AHI1: variants seen among roughly 807,000 people sequenced by gnomAD.
AHI1 encodes the protein jouberin.
A neutral mutation model predicts 149.3 loss-of-function variants in AHI1; 123 were observed. The ratio of observed to expected loss-of-function variants is 0.82; its 90% CI spans 0.71 to 0.96. The LOEUF (loss-of-function observed/expected upper bound fraction) is 0.96, where lower values mean the gene tolerates loss of function less well. Ranked by LOEUF, AHI1 falls within the 40% of genes least tolerant of loss-of-function variation. The pLI is 0.00. For synonymous variants in AHI1, 475 were observed against 459.8 expected, an observed-to-expected ratio of 1.03 and a Z score of -0.42; for missense variants, 1,439 against 1,422.7, an observed-to-expected ratio of 1.01 and a Z score of -0.18.
rs776730165 is a variant in AHI1 at position 135,448,404 on chromosome 6, C to T, written c.1512G>A (p.Lys504=). Residue 504 remains lysine (K), a synonymous_variant, in exon 12 of 29, where the codon AAG becomes AAA. Transcript: ENST00000265602. ...CAACAACACTTAATGGGGATCGAGGCTTAGTAGGTGGGTAATATAGCTGCA... is the reference window on the plus strand; with the variant it reads ...CAACAACACTTAATGGGGATCGAGGTTTAGTAGGTGGGTAATATAGCTGCA... The part of the protein sequence containing the change: ...LRLQLYYPPT[K]PRSPLSVVEA... 6 of 1,603,554 alleles carry T rather than the reference C, an allele frequency of 3.7e-6. No individual in the cohort carries two copies. The highest frequency in any genetic ancestry group is 5.1e-6 in the Non-Finnish European group (6 of 1,173,248).
intron 26 of AHI1, among the ~76,000 whole-genome samples, chr6:135,313,275 T>C (rs990491545): frequency 1.3e-5 from 2 of 152,204 alleles, no homozygotes; most frequent in African/African-American, 4.8e-5. Context: ...GAAAAAAATA[T>C]ATGCAGGATT....
intron 24 of AHI1, among the ~76,000 whole-genome samples, chr6:135,352,753 C>T (rs1306759120): frequency 1.4e-5 from 2 of 147,834 alleles, no homozygotes; most frequent in Non-Finnish European, 3.0e-5. Context: ...TATACACACA[C>T]ATATATATAT....
rs1174001569 is a variant in AHI1 at position 135,467,386 on chromosome 6, G to T, written c.189+195C>A. Among the ~76,000 whole-genome samples, 5 of 152,048 alleles carry T rather than the reference G, an allele frequency of 3.3e-5. No homozygotes were observed. The South Asian group carries it at 1.0e-3, about 31-fold the overall frequency. ...AACAAGTATAGTTAATATTAATAAA[G>T]AAATGCAAAAGCATACTGGAGCAAG... On this transcript the variant is annotated intron_variant, in intron 6 of 28. Transcript: ENST00000265602.
At position 135,310,091 on chromosome 6, in the gene AHI1, A is replaced by G. The variant is rs191899275; in HGVS notation, c.3426+8428T>C. The stretch of plus-strand genomic sequence containing the variant: ...ATGATTTAGTATATATTAACTAACT[A>G]CTGGCTATTTGGAAAACCTGTTTCA... On this transcript the variant is annotated intron_variant, in intron 26 of 28. Coordinates refer to ENST00000265602, the MANE Select transcript of AHI1 (RefSeq NM_001134831.2). 3.2e-3 allele frequency among the ~76,000 whole-genome samples: 485 copies of G among 152,306 alleles called. 3 individuals carry two copies. Among genetic ancestry groups the G allele is most frequent in the African/African-American group, 0.011 (465 of 41,570 alleles).
chr6:135,337,140 C>T (rs545767322), intron 24 of AHI1, among the ~76,000 whole-genome samples: 9 of 152,016 alleles, frequency 5.9e-5, no homozygotes, highest in Non-Finnish European at 1.3e-4. Flanking sequence ...CTGCTTGTCA[C>T]TTTCCTTAAA....
chr6:135,472,631 G>C (rs1791926668), intron 5 of AHI1, among the ~76,000 whole-genome samples: 1 of 152,162 alleles, frequency 6.6e-6, no homozygotes, highest in African/African-American at 2.4e-5. Flanking sequence ...GAGAGTTCCA[G>C]TTACTTACCA....
At chr6:135,301,859 C>G in intron 26 of AHI1, 7 of 985,430 alleles carry the variant, frequency 7.1e-6, no homozygotes, top group Non-Finnish European at 8.4e-6. Flanking sequence ...CTGCCCTCAT[C>G]CAATAGAACA....
At chr6:135,404,842 A>G (rs1166030214) in intron 22 of AHI1, 109 bp downstream of exon 22, 7 of 939,146 alleles carry the variant, frequency 7.5e-6, no homozygotes, top group Non-Finnish European at 1.0e-5. Context: ...GAAAGTACAC[A>G]TCAGATTAAC....
chr6:135,442,600 C>G lies in AHI1; in HGVS notation c.1894G>C (p.Asp632His). Residue 632 changes from aspartate to histidine, a missense_variant, in exon 14 of 29, where the codon GAT (aspartate) becomes CAT (histidine). By Grantham distance (81) the Asp-to-His change is moderately conservative. Transcript: ENST00000265602. Reference sequence around the variant, plus strand: ...TACTCACAAATAATTGGATATCCATCCCGGCTGGCACAAGCTGCTGCTAAT... The same window carrying G: ...TACTCACAAATAATTGGATATCCATGCCGGCTGGCACAAGCTGCTGCTAAT... ...RILAAACASR[D>H]GYPIILYEIP... 1.2e-6 allele frequency: 2 copies of G among 1,609,126 alleles called. No individual in the cohort carries two copies. The highest frequency in any genetic ancestry group is 1.3e-5 in the African/African-American group (1 of 74,958).
intron 23 of AHI1, among the ~76,000 whole-genome samples, chr6:135,382,971 T>C (rs1433851826): frequency 1.7e-4 from 20 of 117,804 alleles, no homozygotes; most frequent in Non-Finnish European, 3.3e-4. Context: ...AAAATAATAA[T>C]AATTTTTTAA....
chr6:135,482,916 G>T (rs2128124848), intron 5 of AHI1, among the ~76,000 whole-genome samples: 1 of 834 alleles, frequency 1.2e-3, no homozygotes. Context: ...TTTTGAGACA[G>T]AGTCTCACTC....
chr6:135,332,004 A>T (rs1370200500), intron 24 of AHI1, among the ~76,000 whole-genome samples: 2 of 149,130 alleles, frequency 1.3e-5, no homozygotes, highest in African/African-American at 2.5e-5. Context: ...ATTTTCTTCT[A>T]TTTCTTTAAA....
In AHI1 at chr6:135,428,544, T is replaced by C. The variant is rs13218824; in HGVS notation, c.2623+85A>G. 0.036 allele frequency: 49,995 copies of C among 1,373,918 alleles called. 1,053 individuals carry two copies. The highest frequency in any genetic ancestry group is 0.042 in the Non-Finnish European group (43,959 of 1,052,464). The allele number at this position is 1,373,918 out of a possible 1,614,324, so 85.1% of individuals were successfully genotyped here. A position where few individuals can be genotyped will look rare whatever the true frequency, so the allele number is the denominator to read the frequency against. On this transcript the variant is annotated intron_variant, in intron 19 of 28. Transcript: ENST00000265602. ...CCCAAAATCAGAATTTCCTTGAAAA[T>C]TATTCCATAAAATGGTAGAATTTTC... is the stretch of plus-strand genomic sequence containing the variant.
At chr6:135,488,626 A>C (rs1794814099) in intron 5 of AHI1, among the ~76,000 whole-genome samples, 1 of 152,218 alleles carries the variant, frequency 6.6e-6, no homozygotes, top group Admixed American at 6.5e-5. Context: ...AGATTTAGAA[A>C]TAATATTTGT....
intron 26 of AHI1, 103 bp from the exon 27 acceptor site, chr6:135,300,661 G>C (rs1783756414): frequency 8.5e-6 from 13 of 1,527,120 alleles, no homozygotes; most frequent in Non-Finnish European, 9.7e-6. Context: ...AATGGGGAGA[G>C]AATATGCCTG....
In AHI1 at chr6:135,380,737, C is replaced by A. The variant is rs887761756; in HGVS notation, c.3109+14039G>T. Among the ~76,000 whole-genome samples, 4 of 117,824 alleles carry A rather than the reference C, an allele frequency of 3.4e-5. 1 individual carries two copies. The highest frequency in any genetic ancestry group is 6.7e-5 in the Non-Finnish European group (4 of 59,364). The allele number at this position is 117,824 out of a possible 152,430, so 77.3% of individuals were successfully genotyped here. ...CATCTTTTTAAGTAAAATAACCCCCCCCCCCCCAAAAAAAAAGTACAAAGT... is the reference window on the plus strand; with the variant it reads ...CATCTTTTTAAGTAAAATAACCCCCACCCCCCCAAAAAAAAAGTACAAAGT... On this transcript the variant is annotated intron_variant, in intron 23 of 28. Coordinates refer to ENST00000265602, the MANE Select transcript of AHI1 (RefSeq NM_001134831.2).
intron 21 of AHI1, among the ~76,000 whole-genome samples, chr6:135,406,873 T>G (rs1041761115): frequency 6.6e-6 from 1 of 152,152 alleles, no homozygotes; most frequent in African/African-American, 2.4e-5. Context: ...TAGGATTGAT[T>G]AATCTTAATA....
rs951392087 is a variant in AHI1, at chr6:135,447,296, T to C, written c.1627-136A>G. Reference sequence around the variant, plus strand: ...GTAATCCAGAAAAAAATTCTACTTTTATTTGTACATTATTCTAAATAAAAT... The same window carrying C: ...GTAATCCAGAAAAAAATTCTACTTTCATTTGTACATTATTCTAAATAAAAT... On this transcript the variant is annotated intron_variant, in intron 12 of 28. Coordinates refer to ENST00000265602, the MANE Select transcript of AHI1 (RefSeq NM_001134831.2). 6 of 601,238 alleles carry C rather than the reference T, an allele frequency of 1.0e-5. No homozygotes were observed. In the Admixed American group the frequency reaches 2.4e-4, roughly 25 times the overall value. 37.2% of individuals were successfully genotyped at this position (601,238 alleles called of 1,614,324 possible). A position where few individuals can be genotyped will look rare whatever the true frequency, so the allele number is the denominator to read the frequency against.
At chr6:135,380,739 C>CA (rs1776631924) in intron 23 of AHI1, among the ~76,000 whole-genome samples, 1 of 121,432 alleles carries the variant, frequency 8.2e-6, no homozygotes, top group African/African-American at 4.0e-5. Flanking sequence ...TAACCCCCCC[C>CA]CCCCCAAAAA....
Sources: gnomAD v4.1 joint callset for allele counts (sites outside exome capture counted in the v4.1 genomes callset) on GRCh38, gnomAD v4.1.1 for gene constraint, MANE v1.5 for transcripts, NCBI Gene and HGNC (gene_info 2026-07-23, HGNC 2026-07-21) for gene names.